Variants in CHRNA6 observed in about 807,000 individuals in gnomAD.
CHRNA6 encodes the protein cholinergic receptor nicotinic alpha 6 subunit, also known as neuronal acetylcholine receptor subunit alpha-6.
CHRNA6 carries 31 observed loss-of-function variants against 40.9 expected under a neutral mutation model. The observed-to-expected ratio is 0.76, with a 90% CI of 0.57 to 1.02. The LOEUF (loss-of-function observed/expected upper bound fraction) is 1.02, where lower values mean the gene tolerates loss of function less well. Ranked by LOEUF, CHRNA6 falls within the 50% of genes least tolerant of loss-of-function variation. The pLI, the probability that CHRNA6 is intolerant of heterozygous loss-of-function variation, is 0.00. For synonymous variants in CHRNA6, 222 were observed against 221.3 expected (o/e 1.00, Z -0.03); for missense variants, 546 against 596.6 (o/e 0.92, Z 0.88).
chr8:42,763,597 T>C (rs868343450), intron 2 of CHRNA6, among the ~76,000 whole-genome samples: 4 of 152,004 alleles, frequency 2.6e-5, no homozygotes, highest in South Asian at 2.1e-4. Flanking sequence ...TCAGTTCAGC[T>C]CTTGGTTCAC....
chr8:42,765,188 T>A lies in CHRNA6; in HGVS notation c.96A>T (p.Ala32=). Residue 32 remains alanine (A), a synonymous_variant, in exon 2 of 6, where the codon GCA becomes GCT. Coordinates refer to ENST00000276410, the MANE Select transcript of CHRNA6 (RefSeq NM_004198.3). ...GTTTGTGGAAGAGCCTCTCCTCAGTTGCACAGCCCACACAGCCTGTGAGGC... is the reference window on the plus strand; with the variant it reads ...GTTTGTGGAAGAGCCTCTCCTCAGTAGCACAGCCCACACAGCCTGTGAGGC... ...TPFFKGCVGC[A]TEERLFHKLF... is the part of the protein sequence containing the mutation. The A allele has an allele frequency of 1.2e-6, 2 of 1,614,058 alleles. No individual in the cohort carries two copies. Among genetic ancestry groups the A allele is most frequent in the Non-Finnish European group, 1.7e-6 (2 of 1,179,992 alleles).
intron 1 of CHRNA6, among the ~76,000 whole-genome samples, chr8:42,766,740 G>T (rs1563627548): frequency 2.0e-5 from 3 of 152,138 alleles, no homozygotes; most frequent in African/African-American, 7.2e-5. Flanking sequence ...GCCTCTTGAG[G>T]GGGTCCAGGG....
intron 2 of CHRNA6, among the ~76,000 whole-genome samples, chr8:42,761,841 G>A (rs1816909906): frequency 6.6e-6 from 1 of 152,180 alleles, no homozygotes. Flanking sequence ...AAGGCTTTGA[G>A]TTATGATTTC....
intron 2 of CHRNA6, among the ~76,000 whole-genome samples, chr8:42,761,316 G>A (rs1337781658): frequency 2.6e-5 from 4 of 152,204 alleles, no homozygotes; most frequent in Non-Finnish European, 4.4e-5. Context: ...ACAAGCCTGC[G>A]GTCATGCCTT....
At chr8:42,761,893 G>A (rs1006874569) in intron 2 of CHRNA6, among the ~76,000 whole-genome samples, 7 of 152,124 alleles carry the variant, frequency 4.6e-5, no homozygotes, top group African/African-American at 7.2e-5. Context: ...TTGGAGACTC[G>A]GATCAAAAAG....
intron 1 of CHRNA6, among the ~76,000 whole-genome samples, chr8:42,767,178 AG>A (rs1816986791): frequency 6.6e-6 from 1 of 152,196 alleles, no homozygotes; most frequent in East Asian, 1.9e-4. Context: ...CGTGTTAGCC[AG>A]GATGGTCTCC....
At position 42,765,121 on chromosome 8, in the gene CHRNA6, C is replaced by T. The variant is rs143970583; in HGVS notation, c.163G>A (p.Val55Ile). ...AAGTGTACCGTGACAGGGTCGGAAA[C>T]GTTTTCCACAGGCCTGATGAACTGG... ...YNQFIRPVEN[V>I]SDPVTVHFEV... Residue 55 changes from valine to isoleucine, a missense_variant, in exon 2 of 6, where the codon GTT (valine) becomes ATT (isoleucine). This residue lies in a region of CHRNA6 where 476 missense variants were observed against 494.5 expected (regional missense o/e 0.96). Coordinates refer to ENST00000276410, the MANE Select transcript of CHRNA6 (RefSeq NM_004198.3). The T allele has an allele frequency of 5.6e-6, 9 of 1,614,196 alleles. No individual in the cohort carries two copies. The highest frequency in any genetic ancestry group is 1.7e-5 in the Admixed American group (1 of 60,014).
At chr8:42,766,492 A>AAAAAAGAAAGAAAGAAAGAAAG (rs1563627449) in intron 1 of CHRNA6, among the ~76,000 whole-genome samples, 1 of 152,060 alleles carries the variant, frequency 6.6e-6, no homozygotes, top group Non-Finnish European at 1.5e-5. Context: ...ACTCCGTCTC[A>AAAAAAGAAAGAAAGAAAGAAAG]AAAAAGAAAG....
In CHRNA6 at chr8:42,757,001, C is replaced by T. The variant is rs200380236; in HGVS notation, c.301G>A (p.Glu101Lys). The T allele has an allele frequency of 7.5e-5, 121 of 1,613,168 alleles. No homozygotes were observed. The highest frequency in any genetic ancestry group is 1.0e-4 in the Non-Finnish European group (119 of 1,179,228). The part of the protein sequence containing the change: ...NDYKLRWDPM[E>K]YDGIETLRVP... Reference sequence around the variant, plus strand: ...CGAAGAGTCTCAATGCCATCATATTCCATTGGATCCCAGCGCAATTTATAA... The same window carrying T: ...CGAAGAGTCTCAATGCCATCATATTTCATTGGATCCCAGCGCAATTTATAA... The change falls in exon 4 of 6, where the codon GAA becomes AAA. Residue 101 changes from glutamate to lysine, a missense_variant. Glu to Lys is a moderately conservative substitution (Grantham distance 56). Around this residue, in one of 3 missense-constraint regions of CHRNA6, gnomAD observed 476 missense variants for 494.5 expected, o/e 0.96. Transcript: ENST00000276410.
intron 1 of CHRNA6, among the ~76,000 whole-genome samples, chr8:42,766,593 A>G (rs1379285612): frequency 2.0e-5 from 3 of 152,242 alleles, no homozygotes. Context: ...TTGCAGGGAC[A>G]TGGATGGTGC....
chr8:42,760,289 G>C (rs926582468), intron 2 of CHRNA6, among the ~76,000 whole-genome samples: 1 of 146,188 alleles, frequency 6.8e-6, no homozygotes, highest in Admixed American at 6.8e-5. Flanking sequence ...ATACACACAT[G>C]CATATACACG....
chr8:42,754,436 AG>A (rs1253662512), intron 5 of CHRNA6, among the ~76,000 whole-genome samples: 1 of 152,148 alleles, frequency 6.6e-6, no homozygotes, highest in African/African-American at 2.4e-5. Flanking sequence ...GGCCTCCGAA[AG>A]TGCTGCAATT....
rs1197760281 is a variant in CHRNA6 at position 42,756,028 on chromosome 8, G to A, written c.1171C>T (p.His391Tyr). The A allele has an allele frequency of 1.9e-6, 3 of 1,614,144 alleles. No individual in the cohort carries two copies. The highest frequency in any genetic ancestry group is 2.5e-6 in the Non-Finnish European group (3 of 1,180,052). The change falls in exon 5 of 6, where the codon CAT becomes TAT. Residue 391 changes from histidine to tyrosine, a missense_variant. This residue lies in a region of CHRNA6 where 476 missense variants were observed against 494.5 expected (regional missense o/e 0.96). Transcript: ENST00000276410. ...TGACAATGGAAGCATTCTTTAAGAT[G>A]TCTGGGTTCCCCATGGCTTGCAAGC... ...GKLASHGEPR[H>Y]LKECFHCHKS...
At position 42,765,162 on chromosome 8, in the gene CHRNA6, A is replaced by G; in HGVS notation, c.122T>C (p.Leu41Pro). 9 of 1,614,116 alleles carry G rather than the reference A, an allele frequency of 5.6e-6. No homozygotes were observed. Among genetic ancestry groups the G allele is most frequent in the Non-Finnish European group, 7.6e-6 (9 of 1,179,998 alleles). Residue 41 changes from leucine to proline, a missense_variant, in exon 2 of 6, where the codon CTG (leucine) becomes CCG (proline). By Grantham distance (98) the Leu-to-Pro change is moderately conservative (BLOSUM62 -3). Around this residue, in one of 3 missense-constraint regions of CHRNA6, gnomAD observed 476 missense variants for 494.5 expected, o/e 0.96. Transcript: ENST00000276410. ...CATEERLFHKLFSHYNQFIRP... is the reference protein window; with the variant it reads ...CATEERLFHKPFSHYNQFIRP... ...GATGAACTGGTTGTAATGAGAAAAC[A>G]GTTTGTGGAAGAGCCTCTCCTCAGT...
At position 42,765,155 on chromosome 8, in the gene CHRNA6, A is replaced by T; in HGVS notation, c.129T>A (p.Ser43=). The T allele has an allele frequency of 6.2e-7, 1 of 1,614,094 alleles. No homozygotes were observed. Among genetic ancestry groups the T allele is most frequent in the East Asian group, 2.2e-5 (1 of 44,884 alleles). ...TEERLFHKLF[S]HYNQFIRPVE... The stretch of plus-strand genomic sequence containing the variant: ...CAGGCCTGATGAACTGGTTGTAATG[A>T]GAAAACAGTTTGTGGAAGAGCCTCT... The change falls in exon 2 of 6, where the codon TCT becomes TCA. Residue 43 remains serine (S), a synonymous_variant. Coordinates refer to ENST00000276410, the MANE Select transcript of CHRNA6 (RefSeq NM_004198.3).
Position 42,768,628 on chromosome 8 carries a change from C to A in CHRNA6, c.-198G>T. The stretch of plus-strand genomic sequence containing the variant: ...CAGAGACTGAGGCAGACATGAAGGG[C>A]GAATAAAAAAGATTCGATCTGATGT... On this transcript the variant is annotated 5_prime_UTR_variant, in exon 1 of 6. Coordinates refer to ENST00000276410, the MANE Select transcript of CHRNA6 (RefSeq NM_004198.3). 2.1e-6 allele frequency: 1 copy of A among 474,806 alleles called. No individual in the cohort carries two copies. The allele number at this position is 474,806 out of a possible 1,614,324, so 29.4% of individuals were successfully genotyped here. A position where few individuals can be genotyped will look rare whatever the true frequency, so the allele number is the denominator to read the frequency against.
intron 2 of CHRNA6, among the ~76,000 whole-genome samples, chr8:42,761,832 A>G (rs1410367873): frequency 1.3e-5 from 2 of 152,180 alleles, no homozygotes; most frequent in Non-Finnish European, 2.9e-5. Context: ...GCTGCATCAA[A>G]GGCTTTGAGT....
Position 42,768,412 on chromosome 8 carries a change from G to T in CHRNA6, c.19C>A (p.Gln7Lys). 1.9e-6 allele frequency: 3 copies of T among 1,613,958 alleles called. No homozygotes were observed. In the South Asian group the frequency reaches 3.3e-5, roughly 18 times the overall value. ...CACAAGCCCCCATGAAGGAATCCCT[G>T]CCCCTTGCTGGTCAGCATGGTTAAA... MLTSKG[Q>K]GFLHGGLCLW... Residue 7 changes from glutamine to lysine, a missense_variant, in exon 1 of 6, where the codon CAG becomes AAG. This residue lies in a region of CHRNA6 where 476 missense variants were observed against 494.5 expected (regional missense o/e 0.96). Coordinates refer to ENST00000276410, the MANE Select transcript of CHRNA6 (RefSeq NM_004198.3).
chr8:42,763,695 C>T (rs1377056173), intron 2 of CHRNA6, among the ~76,000 whole-genome samples: 1 of 152,182 alleles, frequency 6.6e-6, no homozygotes, highest in Non-Finnish European at 1.5e-5. Context: ...GGGATTAGAA[C>T]AGGCACCAAA....
Sources: gnomAD v4.1 joint callset for allele counts (sites outside exome capture counted in the v4.1 genomes callset) on GRCh38, gnomAD v4.1.1 for gene constraint, gnomAD v4.1.1 regional missense constraint, MANE v1.5 for transcripts, NCBI Gene and HGNC (gene_info 2026-07-23, HGNC 2026-07-21) for gene names.